Variants in IL16 observed in about 807,000 individuals in gnomAD.
IL16 encodes interleukin 16, also known as pro-interleukin-16.
In IL16, 67 loss-of-function variants were observed where a neutral mutation model predicts 110.1. That is an observed-to-expected ratio of 0.61 (90% CI 0.50 to 0.75). The LOEUF (loss-of-function observed/expected upper bound fraction) is 0.75. IL16 is among the 30% of genes least tolerant of loss of function. The pLI is 0.00. For missense variants in IL16, 1,545 were observed against 1,655.0 expected (o/e 0.93, Z 1.15); for synonymous variants, 689 against 662.9 (o/e 1.04, Z -0.61).
intron 10 of IL16, among the ~76,000 whole-genome samples, chr15:81,288,181 G>A (rs1899536394): frequency 6.6e-6 from 1 of 152,086 alleles, no homozygotes; most frequent in Non-Finnish European, 1.5e-5. Context: ...CTAGGCCGTG[G>A]AGATCCAGGG....
At chr15:81,278,029 C>CCTAT (rs1345713785) in intron 6 of IL16, among the ~76,000 whole-genome samples, 2 of 145,430 alleles carry the variant, frequency 1.4e-5, no homozygotes, top group African/African-American at 5.2e-5. Flanking sequence ...AGATCCAAGT[C>CCTAT]CTATTTATTT....
chr15:81,274,810 C>A (rs1596020184), intron 6 of IL16, among the ~76,000 whole-genome samples: 1 of 152,114 alleles, frequency 6.6e-6, no homozygotes, highest in Non-Finnish European at 1.5e-5. Flanking sequence ...TTTATCAACC[C>A]GAGCACTATG....
chr15:81,190,995 G>A (rs944322841), intron 1 of IL16, among the ~76,000 whole-genome samples: 1 of 152,168 alleles, frequency 6.6e-6, no homozygotes, highest in African/African-American at 2.4e-5. Context: ...GAAACCTTAC[G>A]AGACTTTCCT....
At chr15:81,188,717 C>T (rs1340183959) in intron 1 of IL16, among the ~76,000 whole-genome samples, 3 of 152,162 alleles carry the variant, frequency 2.0e-5, no homozygotes, top group Non-Finnish European at 2.9e-5. Context: ...AAGAATCCCT[C>T]TTTCCCTCCT....
chr15:81,303,305 G>A lies in IL16; in HGVS notation c.3319-244G>A, dbSNP rs1363952761. 1 of 472,464 alleles carries A rather than the reference G, an allele frequency of 2.1e-6. No homozygotes were observed. Among genetic ancestry groups the A allele is most frequent in the Non-Finnish European group, 3.8e-6 (1 of 261,000 alleles). 29.3% of individuals were successfully genotyped at this position (472,464 alleles called of 1,614,324 possible). A position where few individuals can be genotyped will look rare whatever the true frequency, so the allele number is the denominator to read the frequency against. ...CCCCCTGCCCGGCTGTGGACAGGGT[G>A]AATGAGAGAGGAAAATAATTATGCT... On this transcript the variant is annotated intron_variant, in intron 15 of 18. Coordinates refer to ENST00000683961, the MANE Select transcript of IL16 (RefSeq NM_172217.5). This position sits in a 1 kb window ranked among gnomAD's most constrained non-coding sequence, Gnocchi z 4.1.
intron 1 of IL16, among the ~76,000 whole-genome samples, chr15:81,191,565 C>T (rs774106667): frequency 1.6e-4 from 24 of 152,066 alleles, no homozygotes; most frequent in Non-Finnish European, 3.1e-4. Context: ...CTAGATGGGG[C>T]GGATGGGTGG....
chr15:81,207,246 CAAA>C (rs60442931), intron 1 of IL16, among the ~76,000 whole-genome samples: 20,556 of 102,850 alleles, frequency 0.2, 1,972 homozygotes, highest in East Asian at 0.54. Context: ...TCAAAAAAAA[CAAA>C]AAAAAAAAAA....
chr15:81,226,820 A>G (rs1595967622), intron 2 of IL16, among the ~76,000 whole-genome samples: 1 of 152,156 alleles, frequency 6.6e-6, no homozygotes. Flanking sequence ...CCAGGCTGCC[A>G]TTAATGATGT....
intron 12 of IL16, chr15:81,295,423 G>A: frequency 7.8e-7 from 1 of 1,288,150 alleles, no homozygotes; most frequent in South Asian, 1.2e-5. Context: ...AAGTTGTAAA[G>A]CTGCATTGAC....
Position 81,312,402 on chromosome 15 carries a change from G to A in IL16, c.*3604G>A, listed in dbSNP as rs1367789494. 1 of 152,250 alleles carries A rather than the reference G, an allele frequency of 6.6e-6. No individual in the cohort carries two copies. Among genetic ancestry groups the A allele is most frequent in the Non-Finnish European group, 1.5e-5 (1 of 68,060 alleles). 9.4% of individuals were successfully genotyped at this position (152,250 alleles called of 1,614,324 possible). On this transcript the variant is annotated 3_prime_UTR_variant, in exon 19 of 19. Coordinates refer to ENST00000683961, the MANE Select transcript of IL16 (RefSeq NM_172217.5). ...TGGCCTGGCCAGGGCCTGGAAGACA[G>A]AGACCTCCTGCCTCCGCCTCAGTAA...
At chr15:81,195,386 C>T (rs1246062355), upstream of IL16, among the ~76,000 whole-genome samples, 1 of 152,134 alleles carries the variant, frequency 6.6e-6, no homozygotes, top group Non-Finnish European at 1.5e-5. Context: ...CCCACCGCAC[C>T]CAGGCCATTG....
At chr15:81,288,967 C>T (rs1004358624) in intron 10 of IL16, among the ~76,000 whole-genome samples, 8 of 152,094 alleles carry the variant, frequency 5.3e-5, no homozygotes, top group African/African-American at 7.2e-5. Context: ...CTCTGAGATA[C>T]TGACTTCCCT....
At chr15:81,280,555 G>A (rs1397999712) in intron 8 of IL16, among the ~76,000 whole-genome samples, 3 of 152,228 alleles carry the variant, frequency 2.0e-5, no homozygotes, top group Non-Finnish European at 4.4e-5. Context: ...GGCCCATAGT[G>A]TGACAAAAGT....
At chr15:81,197,911 C>G (rs7183560) in intron 1 of IL16, among the ~76,000 whole-genome samples, 1 of 151,886 alleles carries the variant, frequency 6.6e-6, no homozygotes, top group Non-Finnish European at 1.5e-5. Flanking sequence ...TCCCAGGAGG[C>G]CAGTTCAAGC....
intron 10 of IL16, among the ~76,000 whole-genome samples, chr15:81,287,189 A>C (rs780013907): frequency 1.3e-5 from 2 of 152,198 alleles, no homozygotes; most frequent in Non-Finnish European, 2.9e-5. Flanking sequence ...GGGGTAAGAG[A>C]GGGAGGAACC....
intron 1 of IL16, among the ~76,000 whole-genome samples, chr15:81,191,073 C>T (rs2141921557): frequency 1.3e-5 from 2 of 152,352 alleles, no homozygotes; most frequent in East Asian, 3.9e-4. Context: ...TCAGCCTCCA[C>T]ACTGGCCCAC....
intron 2 of IL16, among the ~76,000 whole-genome samples, chr15:81,231,324 G>GTCTGTCTC (rs1896967068): frequency 4.2e-5 from 2 of 47,146 alleles, no homozygotes; most frequent in East Asian, 7.4e-4. Flanking sequence ...AGGTCGGTCT[G>GTCTGTCTC]TCTCTCTCTC....
chr15:81,300,017 C>A lies in IL16; in HGVS notation c.2691C>A (p.Pro897=). 6.3e-7 allele frequency: 1 copy of A among 1,578,708 alleles called. No individual in the cohort carries two copies. The change falls in exon 14 of 19, where the codon CCC becomes CCA. Residue 897 remains proline, a synonymous_variant. Coordinates refer to ENST00000683961, the MANE Select transcript of IL16 (RefSeq NM_172217.5). ...GAGGGGCTGCACCCACTCTTGTGCC[C>A]CAGCAGCCTGAGCAAGTACTGTCCT... The part of the protein sequence containing the change: ...LGRGAAPTLV[P]QQPEQVLSSG...
intron 11 of IL16, chr15:81,291,883 A>G (rs925226649): frequency 4.4e-6 from 2 of 455,798 alleles, no homozygotes; most frequent in African/African-American, 4.0e-5. Context: ...GAGCCTCAAA[A>G]TAACCCCAGT....
Sources: allele counts gnomAD v4.1 joint callset (sites outside exome capture counted in the v4.1 genomes callset), GRCh38; gene constraint gnomAD v4.1.1; non-coding constraint Gnocchi (gnomAD v3.1); transcripts MANE v1.5; gene names NCBI Gene and HGNC (gene_info 2026-07-23, HGNC 2026-07-21).